DHRSX: variants seen among roughly 807,000 people sequenced by gnomAD.
The protein encoded by DHRSX is polyprenol dehydrogenase.
In DHRSX, 31 loss-of-function variants were observed where a neutral mutation model predicts 34.0. The ratio of observed to expected loss-of-function variants is 0.91; its 90% CI spans 0.69 to 1.23. The LOEUF (loss-of-function observed/expected upper bound fraction) is 1.23, where lower values mean the gene tolerates loss of function less well. Ranked by LOEUF, DHRSX falls within the 50% of genes most tolerant of loss-of-function variation. The probability of loss-of-function intolerance (pLI) is 0.00; values close to 1 mark genes in which losing one functional copy is unlikely to be tolerated. For synonymous variants in DHRSX, 201 were observed against 183.8 expected (o/e 1.09, Z -0.76); for missense variants, 414 against 428.1 (o/e 0.97, Z 0.29).
At chrX:2,477,002 C>G (rs189693003) in intron 1 of DHRSX, among the ~76,000 whole-genome samples, 1 of 151,852 alleles carries the variant, frequency 6.6e-6, no homozygotes, top group East Asian at 1.9e-4. Context: ...AACTCCATCT[C>G]GAAAACAAAC....
At chrX:2,256,040 G>A (rs2041273188) in intron 5 of DHRSX, among the ~76,000 whole-genome samples, 1 of 147,206 alleles carries the variant, frequency 6.8e-6, no homozygotes, top group African/African-American at 2.6e-5. Flanking sequence ...TTCTCTCCAG[G>A]CTGGAGTGCA....
chrX:2,295,760 T>C (rs2041924243), intron 3 of DHRSX, among the ~76,000 whole-genome samples: 1 of 152,182 alleles, frequency 6.6e-6, no homozygotes, highest in Non-Finnish European at 1.5e-5. Context: ...AGGACTTCCT[T>C]CTTCTGCAGT....
chrX:2,355,051 CAGA>C (rs1272055463), intron 3 of DHRSX, among the ~76,000 whole-genome samples: 1 of 152,088 alleles, frequency 6.6e-6, no homozygotes, highest in Non-Finnish European at 1.5e-5. Context: ...TGGGGCGAGG[CAGA>C]AGGACCTGAG....
intron 2 of DHRSX, 80 bp downstream of exon 2, chrX:2,425,117 G>T: frequency 1.8e-6 from 2 of 1,112,604 alleles, no homozygotes; most frequent in Non-Finnish European, 2.7e-6. Context: ...TCCAGCACGG[G>T]TTGACGGACT....
intron 3 of DHRSX, among the ~76,000 whole-genome samples, chrX:2,317,678 G>T (rs2042257312): frequency 6.6e-6 from 1 of 152,106 alleles, no homozygotes; most frequent in Admixed American, 6.6e-5. Flanking sequence ...TTACATTCTT[G>T]TGAGTCTTTG....
intron 1 of DHRSX, among the ~76,000 whole-genome samples, chrX:2,435,303 C>A (rs1164794846): frequency 6.6e-6 from 1 of 152,116 alleles, no homozygotes; most frequent in Non-Finnish European, 1.5e-5. Context: ...AACATAAGAT[C>A]AATGCATTAT....
At chrX:2,484,855 G>C (rs2044843381) in intron 1 of DHRSX, among the ~76,000 whole-genome samples, 1 of 151,924 alleles carries the variant, frequency 6.6e-6, no homozygotes. Context: ...CGGTCTCTGG[G>C]CCTCCTCTGC....
At chrX:2,437,692 A>AGTGT (rs1206881107) in intron 1 of DHRSX, among the ~76,000 whole-genome samples, 3 of 79,606 alleles carry the variant, frequency 3.8e-5, no homozygotes, top group African/African-American at 1.2e-4. Context: ...AGAGAGAGAG[A>AGTGT]GAGAGAGTGT....
At chrX:2,339,136 T>C (rs1311576319) in intron 3 of DHRSX, among the ~76,000 whole-genome samples, 1 of 151,934 alleles carries the variant, frequency 6.6e-6, no homozygotes, top group African/African-American at 2.4e-5. Context: ...TATAAGTAAG[T>C]TCTTTTTATT....
chrX:2,471,027 A>G (rs971174967), intron 1 of DHRSX, among the ~76,000 whole-genome samples: 1 of 152,218 alleles, frequency 6.6e-6, no homozygotes, highest in African/African-American at 2.4e-5. Context: ...TAATCATTGC[A>G]TGATGTGTAC....
intron 1 of DHRSX, among the ~76,000 whole-genome samples, chrX:2,462,272 C>T (rs989732869): frequency 1.3e-5 from 2 of 151,844 alleles, no homozygotes; most frequent in African/African-American, 4.8e-5. Context: ...TTTGGAAGGC[C>T]CACTTGCCAA....
chrX:2,499,529 G>C (rs938135234), intron 1 of DHRSX, among the ~76,000 whole-genome samples: 3 of 152,194 alleles, frequency 2.0e-5, no homozygotes, highest in Non-Finnish European at 4.4e-5. Flanking sequence ...CCAGCAGTTT[G>C]GGAGGCCCAG....
intron 1 of DHRSX, among the ~76,000 whole-genome samples, chrX:2,437,688 AGAGAGAGAGAGT>A (rs2044009770): frequency 1.5e-5 from 1 of 66,982 alleles, no homozygotes; most frequent in African/African-American, 7.4e-5. Flanking sequence ...AGAGAGAGAG[AGAGAGAGAGAGT>A]GTGTGTGTGT....
At chrX:2,355,460 C>G (rs1014251129) in intron 3 of DHRSX, among the ~76,000 whole-genome samples, 9 of 126,818 alleles carry the variant, frequency 7.1e-5, no homozygotes, top group African/African-American at 2.6e-4. Flanking sequence ...TGCAGTGAAC[C>G]AAGATGGTGC....
intron 1 of DHRSX, among the ~76,000 whole-genome samples, chrX:2,453,368 T>TAA (rs34499655): frequency 2.2e-5 from 3 of 138,804 alleles, no homozygotes; most frequent in Non-Finnish European, 1.6e-5. Context: ...ACCCCATCTC[T>TAA]AAAAAAAAAA....
At chrX:2,469,871 G>C (rs1216237511) in intron 1 of DHRSX, among the ~76,000 whole-genome samples, 1 of 152,168 alleles carries the variant, frequency 6.6e-6, no homozygotes, top group Non-Finnish European at 1.5e-5. Flanking sequence ...GGAAAGAATG[G>C]TGTGCAGGAT....
At chrX:2,454,008 T>TG (rs2044262853) in intron 1 of DHRSX, among the ~76,000 whole-genome samples, 2 of 152,234 alleles carry the variant, frequency 1.3e-5, no homozygotes, top group South Asian at 4.2e-4. Flanking sequence ...GATTAAAACA[T>TG]TACATTGTAC....
At chrX:2,437,560 T>C (rs1472374514) in intron 1 of DHRSX, among the ~76,000 whole-genome samples, 1 of 150,866 alleles carries the variant, frequency 6.6e-6, no homozygotes, top group African/African-American at 2.4e-5. Context: ...GCCATGTTCA[T>C]ATCAGTGCAC....
chrX:2,319,900 C>T (rs2042287654), intron 3 of DHRSX, among the ~76,000 whole-genome samples: 1 of 152,052 alleles, frequency 6.6e-6, no homozygotes, highest in Non-Finnish European at 1.5e-5. Context: ...GTGATCTCAG[C>T]TCACTGCAAT....
Sources: gnomAD v4.1 joint callset for allele counts (sites outside exome capture counted in the v4.1 genomes callset) on GRCh38, gnomAD v4.1.1 for gene constraint, MANE v1.5 for transcripts, NCBI Gene and HGNC (gene_info 2026-07-23, HGNC 2026-07-21) for gene names.